MYO10: variants seen among roughly 807,000 people sequenced by gnomAD.
MYO10 encodes unconventional myosin-X.
A neutral mutation model predicts 257.3 loss-of-function variants in MYO10; 133 were observed. The ratio of observed to expected loss-of-function variants is 0.52; its 90% CI spans 0.45 to 0.60. The LOEUF (loss-of-function observed/expected upper bound fraction) is 0.60. MYO10 is among the 20% of genes least tolerant of loss of function. The pLI, the probability that MYO10 is intolerant of heterozygous loss-of-function variation, is 0.00. For synonymous variants in MYO10, 1,104 were observed against 1,028.6 expected (o/e 1.07, Z -1.40); for missense variants, 2,399 against 2,635.7 (o/e 0.91, Z 1.97).
At chr5:16,874,734 GTCT>G (rs1174935309) in intron 2 of MYO10, among the ~76,000 whole-genome samples, 2 of 152,072 alleles carry the variant, frequency 1.3e-5, no homozygotes, top group African/African-American at 2.4e-5. Context: ...ACATTTTCCT[GTCT>G]TCTTCTGAGA....
chr5:16,795,927 C>T (rs1215387364), intron 3 of MYO10, among the ~76,000 whole-genome samples: 1 of 152,014 alleles, frequency 6.6e-6, no homozygotes, highest in African/African-American at 2.4e-5. Context: ...CAGTGGCTCA[C>T]GACTGTAATC....
In MYO10 at chr5:16,685,826, C is replaced by T; in HGVS notation, c.3902G>A (p.Trp1301Ter). Residue 1301 changes from tryptophan to a stop codon, truncating the protein, a stop_gained, in exon 29 of 41, where the codon TGG becomes TAG. Transcript: ENST00000513610. LOFTEE classifies it high-confidence loss of function. ...IAESPEDASQ[W>*]FSVLSQVHAS... ...GTGGACCTGACTCAGCACGCTGAAC[C>T]ACTGGCTGTGGGGAAGAGAGAGCAA... 1 of 1,592,346 alleles carries T rather than the reference C, an allele frequency of 6.3e-7. No homozygotes were observed. Among genetic ancestry groups the T allele is most frequent in the Non-Finnish European group, 8.6e-7 (1 of 1,169,456 alleles).
intron 4 of MYO10, among the ~76,000 whole-genome samples, chr5:16,791,379 A>G (rs992977389): frequency 6.6e-6 from 1 of 152,176 alleles, no homozygotes; most frequent in Admixed American, 6.5e-5. Context: ...TTAATGAGAA[A>G]TCTATTCTTA....
intron 19 of MYO10, among the ~76,000 whole-genome samples, chr5:16,720,682 C>T (rs1173889467): frequency 2.6e-5 from 4 of 152,246 alleles, no homozygotes; most frequent in East Asian, 1.9e-4. Flanking sequence ...ATGGTCTCCA[C>T]CTCCTGATCT....
chr5:16,727,929 C>T (rs946354126), intron 19 of MYO10, among the ~76,000 whole-genome samples: 1 of 150,488 alleles, frequency 6.6e-6, no homozygotes, highest in Non-Finnish European at 1.5e-5. Context: ...CTATGCCTAA[C>T]AGCTCTCCAG....
chr5:16,804,198 G>A (rs140138518), intron 3 of MYO10, among the ~76,000 whole-genome samples: 17 of 152,188 alleles, frequency 1.1e-4, no homozygotes, highest in African/African-American at 2.6e-4. Flanking sequence ...TCCTTGTCCC[G>A]TGTGTTCCAC....
At chr5:16,833,217 GTT>G (rs60623939) in intron 2 of MYO10, among the ~76,000 whole-genome samples, 28,663 of 143,574 alleles carry the variant, frequency 0.2, 2,863 homozygotes, top group African/African-American at 0.27. Context: ...TACTAGGTTT[GTT>G]TTTTTTTTTT....
Position 16,788,360 on chromosome 5 carries a change from G to GC in MYO10, c.468-4892dup, listed in dbSNP as rs371884848. Reference sequence around the variant, plus strand: ...CAGGAATTGGTACCACCAGGTTTGTGCATTTGTCAAAACTCATCAAACTGG... The same window carrying GC: ...CAGGAATTGGTACCACCAGGTTTGTGCCATTTGTCAAAACTCATCAAACTGG... On this transcript the variant is annotated intron_variant, in intron 4 of 40. Coordinates refer to ENST00000513610, the MANE Select transcript of MYO10 (RefSeq NM_012334.3). Among the ~76,000 whole-genome samples, 7 of 152,248 alleles carry GC rather than the reference G, an allele frequency of 4.6e-5. 1 individual carries two copies. The highest frequency in any genetic ancestry group is 1.7e-4 in the African/African-American group (7 of 41,546).
intron 33 of MYO10, among the ~76,000 whole-genome samples, chr5:16,679,009 C>G (rs1317046600): frequency 6.6e-6 from 1 of 152,234 alleles, no homozygotes; most frequent in Non-Finnish European, 1.5e-5. Flanking sequence ...CCGCTCAGGG[C>G]TGCCATGCAA....
At chr5:16,749,984 T>C (rs1315209979) in intron 19 of MYO10, among the ~76,000 whole-genome samples, 1 of 152,214 alleles carries the variant, frequency 6.6e-6, no homozygotes, top group African/African-American at 2.4e-5. Context: ...AAGCAGGTTT[T>C]CTATCTTAGA....
rs1014838798 is a variant in MYO10 at position 16,705,776 on chromosome 5, G to A, written c.2170-1091C>T. Among the ~76,000 whole-genome samples, 4 of 152,142 alleles carry A rather than the reference G, an allele frequency of 2.6e-5. 1 individual carries two copies. Among genetic ancestry groups the A allele is most frequent in the Admixed American group, 1.3e-4 (2 of 15,278 alleles). On this transcript the variant is annotated intron_variant, in intron 21 of 40. Coordinates refer to ENST00000513610, the MANE Select transcript of MYO10 (RefSeq NM_012334.3). Reference sequence around the variant, plus strand: ...GAGTCCTACCACCTTGTGACTCACAGCCGTACCTATTCCTGCTCTGGGTAA... The same window carrying A: ...GAGTCCTACCACCTTGTGACTCACAACCGTACCTATTCCTGCTCTGGGTAA...
chr5:16,885,748 T>C (rs2562339), intron 1 of MYO10, among the ~76,000 whole-genome samples: 92,493 of 151,778 alleles, frequency 0.61, 29,100 homozygotes, highest in African/African-American at 0.77. Flanking sequence ...GTATGACAAA[T>C]GCAGCGCTAA....
intron 15 of MYO10, 87 bp from the exon 16 acceptor site, chr5:16,762,200 C>A: frequency 1.5e-6 from 2 of 1,370,996 alleles, no homozygotes; most frequent in Middle Eastern, 2.8e-4. Flanking sequence ...ACACTAAATA[C>A]AAAAGACAGT....
chr5:16,824,100 G>A (rs2126711584), intron 2 of MYO10, among the ~76,000 whole-genome samples: 1 of 152,172 alleles, frequency 6.6e-6, no homozygotes, highest in East Asian at 1.9e-4. Context: ...CTTGGAGAAG[G>A]GGCTTATACA....
At chr5:16,914,871 T>C (rs971632187) in intron 1 of MYO10, among the ~76,000 whole-genome samples, 1 of 152,244 alleles carries the variant, frequency 6.6e-6, no homozygotes, top group Non-Finnish European at 1.5e-5. Context: ...CCCATCTGGC[T>C]GTGGGACTTT....
chr5:16,902,670 G>C, intron 1 of MYO10: 2 of 1,138,044 alleles, frequency 1.8e-6, no homozygotes, highest in South Asian at 1.2e-5. Context: ...AGAGAGGCCC[G>C]GCTAATTTTT....
intron 2 of MYO10, among the ~76,000 whole-genome samples, chr5:16,827,811 G>GA (rs1743045998): frequency 6.6e-6 from 1 of 152,164 alleles, no homozygotes; most frequent in Non-Finnish European, 1.5e-5. Flanking sequence ...CCAGCTGCAT[G>GA]CATCAGACAT....
At chr5:16,763,897 C>G (rs1740792776) in intron 12 of MYO10, 142 bp from the exon 13 acceptor site, 4 of 673,308 alleles carry the variant, frequency 5.9e-6, no homozygotes, top group Non-Finnish European at 1.0e-5. Flanking sequence ...GTTATCCCAG[C>G]ACTTTGGGAG....
chr5:16,776,511 ATG>A (rs1429386111), intron 9 of MYO10, among the ~76,000 whole-genome samples: 2 of 152,192 alleles, frequency 1.3e-5, no homozygotes, highest in Non-Finnish European at 2.9e-5. Flanking sequence ...TATAAGTAGA[ATG>A]TATTAACTAG....
Sources: allele counts gnomAD v4.1 joint callset (sites outside exome capture counted in the v4.1 genomes callset), GRCh38; gene constraint gnomAD v4.1.1; transcripts MANE v1.5; gene names NCBI Gene and HGNC (gene_info 2026-07-23, HGNC 2026-07-21).